The following SBF2 variants were observed in gnomAD, a reference collection of about 807,000 sequenced individuals.
SBF2 encodes the protein myotubularin-related protein 13.
A neutral mutation model predicts 225.2 loss-of-function variants in SBF2; 112 were observed. The observed-to-expected ratio is 0.50, with a 90% CI of 0.43 to 0.58. The LOEUF (loss-of-function observed/expected upper bound fraction) is 0.58, where lower values mean the gene tolerates loss of function less well. Among genes scored for constraint, SBF2 ranks in the 20% least tolerant of loss-of-function variants. The pLI is 0.00. For synonymous variants in SBF2, 763 were observed against 773.3 expected, an observed-to-expected ratio of 0.99 and a Z score of 0.22; for missense variants, 1,996 against 2,206.2, an observed-to-expected ratio of 0.90 and a Z score of 1.91.
chr11:9,985,447 C>A (rs1947159017), intron 13 of SBF2, among the ~76,000 whole-genome samples: 2 of 152,122 alleles, frequency 1.3e-5, no homozygotes, highest in Admixed American at 6.6e-5. Flanking sequence ...CTCAGCTTCC[C>A]AAGTAGCTGG....
At chr11:10,248,140 T>C (rs1055129233) in intron 1 of SBF2, among the ~76,000 whole-genome samples, 7 of 152,216 alleles carry the variant, frequency 4.6e-5, no homozygotes, top group Non-Finnish European at 8.8e-5. Context: ...AAATTACCCA[T>C]GCCCCCTAGC....
chr11:10,146,084 C>G (rs1954870991), intron 2 of SBF2, among the ~76,000 whole-genome samples: 1 of 152,050 alleles, frequency 6.6e-6, no homozygotes, highest in African/African-American at 2.4e-5. Context: ...ATGACACAAA[C>G]AAATGGAAAA....
chr11:9,917,120 A>G (rs1205430616), intron 16 of SBF2, among the ~76,000 whole-genome samples: 1 of 151,812 alleles, frequency 6.6e-6, no homozygotes, highest in Non-Finnish European at 1.5e-5. Flanking sequence ...AATACATGTA[A>G]GTGAAAAGAA....
At chr11:9,812,425 TG>T in intron 30 of SBF2, 106 bp downstream of exon 30, 4 of 1,177,536 alleles carry the variant, frequency 3.4e-6, no homozygotes, top group Non-Finnish European at 3.7e-6. Flanking sequence ...AGGAGAATGT[TG>T]GGGAGTAGGG....
chr11:9,946,861 T>A (rs1865593815), intron 16 of SBF2, among the ~76,000 whole-genome samples: 2 of 152,240 alleles, frequency 1.3e-5, no homozygotes, highest in Middle Eastern at 6.3e-3. Context: ...TTATCCAGAA[T>A]ATTTGGAAAT....
At chr11:10,128,667 C>A (rs1953878938) in intron 2 of SBF2, among the ~76,000 whole-genome samples, 1 of 152,188 alleles carries the variant, frequency 6.6e-6, no homozygotes, top group African/African-American at 2.4e-5. Flanking sequence ...TACTAAACCT[C>A]AAGGTCCTAA....
At chr11:10,225,399 A>T (rs1165136062) in intron 1 of SBF2, among the ~76,000 whole-genome samples, 1 of 151,890 alleles carries the variant, frequency 6.6e-6, no homozygotes, top group African/African-American at 2.4e-5. Flanking sequence ...TTGAAAACCC[A>T]ATTTCCTATT....
intron 1 of SBF2, 93 bp downstream of exon 1, chr11:10,293,922 G>A (rs1471077859): frequency 3.1e-6 from 3 of 978,026 alleles, no homozygotes; most frequent in South Asian, 4.3e-5. Context: ...GGCCCTCCCC[G>A]ACGCCCGTCC....
chr11:9,804,029 A>G (rs572633706), intron 32 of SBF2, among the ~76,000 whole-genome samples: 15 of 152,274 alleles, frequency 9.9e-5, no homozygotes, highest in African/African-American at 3.6e-4. Flanking sequence ...TCGTGGGACT[A>G]GCTGGAAGTC....
intron 2 of SBF2, among the ~76,000 whole-genome samples, chr11:10,065,473 G>C (rs1001355262): frequency 1.3e-5 from 2 of 151,982 alleles, no homozygotes; most frequent in African/African-American, 4.8e-5. Context: ...GCAAAAGTTT[G>C]TTCTTTGAGA....
chr11:10,099,345 A>C (rs1952181386), intron 2 of SBF2, among the ~76,000 whole-genome samples: 1 of 152,220 alleles, frequency 6.6e-6, no homozygotes, highest in Non-Finnish European at 1.5e-5. Flanking sequence ...GTGAACCAAG[A>C]ATACTATAAC....
At chr11:9,981,933 T>C (rs1364401968) in intron 13 of SBF2, among the ~76,000 whole-genome samples, 2 of 152,328 alleles carry the variant, frequency 1.3e-5, no homozygotes, top group East Asian at 3.9e-4. Flanking sequence ...CGACTTACTT[T>C]ACTTTTCTTA....
chr11:10,147,217 G>A (rs1954931645), intron 2 of SBF2, among the ~76,000 whole-genome samples: 2 of 151,828 alleles, frequency 1.3e-5, no homozygotes, highest in Admixed American at 6.6e-5. Context: ...CCCATTAGTG[G>A]GTATATACCC....
At position 10,147,160 on chromosome 11, in the gene SBF2, A is replaced by C. The variant is rs548068757; in HGVS notation, c.141+46742T>G. 1.2e-4 allele frequency among the ~76,000 whole-genome samples: 18 copies of C among 152,254 alleles called. No homozygotes were observed. The East Asian group carries it at 3.3e-3, about 28-fold the overall frequency. ...TCAACCATTGTGGAAAGCAGTGTGG[A>C]AATTCCTCAAAGAGCTAAAAGCAGA... On this transcript the variant is annotated intron_variant, in intron 2 of 39. Coordinates refer to ENST00000256190, the MANE Select transcript of SBF2 (RefSeq NM_030962.4).
chr11:10,086,746 T>C (rs1951581929), intron 2 of SBF2, among the ~76,000 whole-genome samples: 1 of 152,226 alleles, frequency 6.6e-6, no homozygotes, highest in African/African-American at 2.4e-5. Flanking sequence ...TTTACTTAGC[T>C]TCTGTTTGGA....
intron 2 of SBF2, among the ~76,000 whole-genome samples, chr11:10,099,354 A>C (rs1565227530): frequency 6.6e-6 from 1 of 152,220 alleles, no homozygotes; most frequent in East Asian, 1.9e-4. Flanking sequence ...GAATACTATA[A>C]CTAGCAAAAA....
intron 2 of SBF2, among the ~76,000 whole-genome samples, chr11:10,188,428 G>A (rs1957030178): frequency 6.6e-6 from 1 of 152,114 alleles, no homozygotes; most frequent in Non-Finnish European, 1.5e-5. Context: ...ATCTTCCTCA[G>A]GAAGTTCTCT....
chr11:10,236,975 A>G (rs1959100239), intron 1 of SBF2, among the ~76,000 whole-genome samples: 1 of 152,210 alleles, frequency 6.6e-6, no homozygotes, highest in East Asian at 1.9e-4. Flanking sequence ...ACCAAAAGAT[A>G]AAGTCAGCAT....
At chr11:9,830,770 C>CAA (rs1206347819) in intron 27 of SBF2, among the ~76,000 whole-genome samples, 1 of 137,576 alleles carries the variant, frequency 7.3e-6, no homozygotes, top group East Asian at 2.1e-4. Flanking sequence ...AAAAACAAAA[C>CAA]AAAACAAAAA....
Sources: allele counts gnomAD v4.1 joint callset (sites outside exome capture counted in the v4.1 genomes callset), GRCh38; gene constraint gnomAD v4.1.1; transcripts MANE v1.5; gene names NCBI Gene and HGNC (gene_info 2026-07-23, HGNC 2026-07-21).